Variants in COPS5 observed in about 807,000 individuals in gnomAD.
COPS5 encodes the protein COP9 signalosome complex subunit 5.
A neutral mutation model predicts 44.4 loss-of-function variants in COPS5; 8 were observed. That is an observed-to-expected ratio of 0.18 (90% CI 0.11 to 0.32). COPS5 has a LOEUF of 0.32. Among genes scored for constraint, COPS5 ranks in the 10% least tolerant of loss-of-function variants. The pLI is 1.00. For synonymous variants in COPS5, 122 were observed against 142.8 expected (o/e 0.85, Z 1.04); for missense variants, 159 against 406.4 (o/e 0.39, Z 5.23).
rs775341801 is a variant in COPS5 at position 67,058,117 on chromosome 8, T to C, written c.473A>G (p.Asn158Ser). 2.5e-6 allele frequency: 4 copies of C among 1,614,104 alleles called. No homozygotes were observed. The highest frequency in any genetic ancestry group is 3.4e-6 in the Non-Finnish European group (4 of 1,179,924). Residue 158 changes from asparagine (N) to serine (S), a missense_variant, in exon 3 of 8, where the codon AAT becomes AGT. Transcript: ENST00000357849. The part of the protein sequence containing the change: ...SGIDVSTQML[N>S]QQFQEPFVAV... ...TACAAATGGTTCCTGGAACTGCTGA[T>C]TGAGCATCTGAGTACTAACATCAAT...
chr8:67,049,800 T>C (rs1251716992), intron 6 of COPS5, among the ~76,000 whole-genome samples: 2 of 152,192 alleles, frequency 1.3e-5, no homozygotes, highest in African/African-American at 4.8e-5. Context: ...CTGTAGCTCA[T>C]ATTCTCCAAA....
chr8:67,056,333 A>C (rs1249829147), intron 5 of COPS5, among the ~76,000 whole-genome samples, 186 bp downstream of exon 5: 1 of 151,960 alleles, frequency 6.6e-6, no homozygotes, highest in South Asian at 2.1e-4. Flanking sequence ...CTGGGACTAC[A>C]GGACTGTGCC....
chr8:67,051,581 A>C (rs1231661664), intron 5 of COPS5, among the ~76,000 whole-genome samples: 1 of 152,190 alleles, frequency 6.6e-6, no homozygotes, highest in African/African-American at 2.4e-5. Context: ...AAATTCCCCA[A>C]ATGTTATTAA....
intron 4 of COPS5, 87 bp downstream of exon 4, chr8:67,057,293 A>G (rs1345373347): frequency 2.4e-6 from 2 of 817,486 alleles, no homozygotes; most frequent in Admixed American, 4.8e-5. Flanking sequence ...AGGCTGTAGT[A>G]CACTATGATC....
In COPS5 at chr8:67,061,989, G is replaced by A; in HGVS notation, c.8C>T (p.Ala3Val). The A allele has an allele frequency of 6.2e-7, 1 of 1,614,230 alleles. No individual in the cohort carries two copies. The highest frequency in any genetic ancestry group is 8.5e-7 in the Non-Finnish European group (1 of 1,180,036). The change falls in exon 1 of 8, where the codon GCG becomes GTG. Residue 3 changes from alanine (A) to valine (V), a missense_variant. Coordinates refer to ENST00000357849, the MANE Select transcript of COPS5 (RefSeq NM_006837.3). The part of the protein sequence containing the change: MA[A>V]SGSGMAQKTW... ...TTTCTGGGCCATACCGCTCCCGGACGCCGCCATCGCCGAGGAAGCGGAGAA... is the reference window on the plus strand; with the variant it reads ...TTTCTGGGCCATACCGCTCCCGGACACCGCCATCGCCGAGGAAGCGGAGAA...
chr8:67,057,189 A>T (rs1408281337), intron 4 of COPS5, among the ~76,000 whole-genome samples, 191 bp downstream of exon 4: 1 of 152,202 alleles, frequency 6.6e-6, no homozygotes, highest in Non-Finnish European at 1.5e-5. Context: ...TTTGGAATTT[A>T]AAAAATGTAA....
At position 67,053,871 on chromosome 8, in the gene COPS5, T is replaced by C. The variant is rs181864334; in HGVS notation, c.660-2530A>G. 2.1e-3 allele frequency among the ~76,000 whole-genome samples: 318 copies of C among 150,278 alleles called. 1 individual carries two copies. Among genetic ancestry groups the C allele is most frequent in the African/African-American group, 6.3e-3 (255 of 40,790 alleles). ...AATACAAAAAATTAGTCGAGCATGATGGTGGGCGCCTGTAGTTCCAGCTAC... is the reference window on the plus strand; with the variant it reads ...AATACAAAAAATTAGTCGAGCATGACGGTGGGCGCCTGTAGTTCCAGCTAC... On this transcript the variant is annotated intron_variant, in intron 5 of 7. Coordinates refer to ENST00000357849, the MANE Select transcript of COPS5 (RefSeq NM_006837.3).
intron 6 of COPS5, 38 bp downstream of exon 6, chr8:67,051,192 T>C: frequency 7.8e-7 from 1 of 1,283,824 alleles, no homozygotes; most frequent in Non-Finnish European, 1.1e-6. Flanking sequence ...GAAGCTTAGA[T>C]AAAATTCAAA....
chr8:67,045,739 ATAC>A, intron 7 of COPS5, 70 bp downstream of exon 7: 2 of 1,452,330 alleles, frequency 1.4e-6, no homozygotes, highest in Non-Finnish European at 1.9e-6. Context: ...AGGAATCTGA[ATAC>A]TACTATTGTT....
At chr8:67,047,945 C>T in intron 6 of COPS5, 1 of 700,886 alleles carries the variant, frequency 1.4e-6, no homozygotes, top group Non-Finnish European at 2.6e-6. Flanking sequence ...GATCATTCTC[C>T]ATCCTAATTT....
chr8:67,058,566 G>A (rs1286385177), intron 2 of COPS5, among the ~76,000 whole-genome samples: 1 of 151,262 alleles, frequency 6.6e-6, no homozygotes, highest in Non-Finnish European at 1.5e-5. Context: ...TTCTTTTAAA[G>A]GCTGCCTGGC....
At position 67,052,001 on chromosome 8, in the gene COPS5, G is replaced by A. The variant is rs1187940166; in HGVS notation, c.660-660C>T. Among the ~76,000 whole-genome samples, 3 of 152,014 alleles carry A rather than the reference G, an allele frequency of 2.0e-5. No homozygotes were observed. In the East Asian group the frequency reaches 5.8e-4, roughly 29 times the overall value. ...AAAGCATGAGACATCTTTACCTTAA[G>A]GAACTCAACATTTATATGGGGGATG... On this transcript the variant is annotated intron_variant, in intron 5 of 7. Coordinates refer to ENST00000357849, the MANE Select transcript of COPS5 (RefSeq NM_006837.3).
chr8:67,047,626 G>A, intron 6 of COPS5: 1 of 476,638 alleles, frequency 2.1e-6, no homozygotes, highest in Non-Finnish European at 3.8e-6. Flanking sequence ...CTACATATTT[G>A]TTCTTAAAAT....
intron 1 of COPS5, chr8:67,061,652 G>C: frequency 1.7e-6 from 1 of 583,224 alleles, no homozygotes; most frequent in Non-Finnish European, 3.0e-6. Context: ...TACATCACCC[G>C]GGGGCAAATG....
chr8:67,061,472 T>G, intron 1 of COPS5: 4 of 435,024 alleles, frequency 9.2e-6, no homozygotes, highest in South Asian at 6.8e-5. Context: ...TTTTGAGACC[T>G]TGGGCTGCTG....
chr8:67,057,052 C>T (rs1056184249), intron 4 of COPS5, among the ~76,000 whole-genome samples: 2 of 152,082 alleles, frequency 1.3e-5, no homozygotes, highest in Non-Finnish European at 2.9e-5. Context: ...GTAAAATTAA[C>T]AATATATAAC....
At chr8:67,061,054 A>C (rs1804601903) in intron 1 of COPS5, 1 of 165,884 alleles carries the variant, frequency 6.0e-6, no homozygotes, top group African/African-American at 2.4e-5. Context: ...CTCAAACATA[A>C]CCCGTAATAA....
Position 67,062,100 on chromosome 8 carries a change from T to G in COPS5, c.-104A>C. On this transcript the variant is annotated 5_prime_UTR_variant, in exon 1 of 8. Coordinates refer to ENST00000357849, the MANE Select transcript of COPS5 (RefSeq NM_006837.3). ...GACCCTCCGCACCACGGGAACAAAC[T>G]CTTACCTAGACTCTTGGGGCAGCCA... 3 of 1,575,508 alleles carry G rather than the reference T, an allele frequency of 1.9e-6. No individual in the cohort carries two copies. The highest frequency in any genetic ancestry group is 2.6e-6 in the Non-Finnish European group (3 of 1,163,924).
chr8:67,043,330 A>C lies in COPS5; in HGVS notation c.921-13T>G, dbSNP rs1308181976. 8 of 1,507,298 alleles carry C rather than the reference A, an allele frequency of 5.3e-6. No homozygotes were observed. The East Asian group carries it at 1.1e-4, about 21-fold the overall frequency. The allele number at this position is 1,507,298 out of a possible 1,614,324, so 93.4% of individuals were successfully genotyped here. ...GGTAGTTTTACAGCTGGAAAAAAAA[A>C]CACACATCACATGATGTCATAAATT... is the stretch of plus-strand genomic sequence containing the variant. On this transcript the variant is annotated splice_polypyrimidine_tract_variant and intron_variant, in intron 7 of 7. Coordinates refer to ENST00000357849, the MANE Select transcript of COPS5 (RefSeq NM_006837.3).
Sources: allele counts gnomAD v4.1 joint callset (sites outside exome capture counted in the v4.1 genomes callset), GRCh38; gene constraint gnomAD v4.1.1; transcripts MANE v1.5; gene names NCBI Gene and HGNC (gene_info 2026-07-23, HGNC 2026-07-21).